ANKEF1: variants seen among roughly 807,000 people sequenced by gnomAD.
ANKEF1 encodes ankyrin repeat and EF-hand domain-containing protein 1.
In ANKEF1, 43 loss-of-function variants were observed where a neutral mutation model predicts 65.1. The observed-to-expected ratio is 0.66, with a 90% confidence interval of 0.52 to 0.85. ANKEF1 has a LOEUF of 0.85. Among genes scored for constraint, ANKEF1 ranks in the 40% least tolerant of loss-of-function variants. The pLI, the probability that ANKEF1 is intolerant of heterozygous loss-of-function variation, is 0.00. For synonymous variants in ANKEF1, 316 were observed against 341.5 expected, an observed-to-expected ratio of 0.93 and a Z score of 0.82; for missense variants, 934 against 952.9, an observed-to-expected ratio of 0.98 and a Z score of 0.26.
At position 10,055,718 on chromosome 20, in the gene ANKEF1, G is replaced by C. The variant is rs775891355; in HGVS notation, c.*58G>C. On this transcript the variant is annotated 3_prime_UTR_variant, in exon 11 of 11. Transcript: ENST00000378392. ...TGAGGCCCAGGGACCAATCTTTGGA[G>C]AAAGTAGATATTTCCATCAAAGCCA... The C allele has an allele frequency of 3.2e-5, 51 of 1,578,476 alleles. No homozygotes were observed. Among genetic ancestry groups the C allele is most frequent in the Non-Finnish European group, 4.3e-5 (49 of 1,150,948 alleles).
intron 2 of ANKEF1, among the ~76,000 whole-genome samples, chr20:10,037,167 A>C (rs1983907602): frequency 6.6e-6 from 1 of 152,208 alleles, no homozygotes; most frequent in South Asian, 2.1e-4. Context: ...TTGGAAACTT[A>C]GCTAACTAGC....
chr20:10,043,342 A>G, intron 4 of ANKEF1, 21 bp downstream of exon 4: 1 of 1,606,620 alleles, frequency 6.2e-7, no homozygotes, highest in African/African-American at 1.3e-5. Context: ...TCTTGTGATT[A>G]CAAATATTTC....
rs1984005959 is a variant in ANKEF1, at chr20:10,038,623, ACT to A, written c.323_324del (p.Thr108AsnfsTer3). 1 of 1,598,466 alleles carries A rather than the reference ACT, an allele frequency of 6.3e-7. No homozygotes were observed. The highest frequency in any genetic ancestry group is 1.1e-5 in the South Asian group (1 of 90,000). ...ATTAGCAAAGGCAAAGGCTGATATGACTATAGTTGATAATGAAGGAAAAGGTA... is the reference window on the plus strand; with the variant it reads ...ATTAGCAAAGGCAAAGGCTGATATGAATAGTTGATAATGAAGGAAAAGGTA... ...EILAKAKADM[T>X]IVDNEGKGVL... On this transcript the variant is annotated frameshift_variant, in exon 3 of 11. Transcript: ENST00000378392. LOFTEE classifies it high-confidence loss of function.
At chr20:10,043,043 A>T (rs1984282703) in intron 3 of ANKEF1, 79 bp from the exon 4 acceptor site, 1 of 1,429,226 alleles carries the variant, frequency 7.0e-7, no homozygotes, top group Non-Finnish European at 9.6e-7. Flanking sequence ...CTAAATATGG[A>T]TTTTTAATAA....
intron 10 of ANKEF1, 50 bp downstream of exon 10, chr20:10,054,649 A>G (rs1315972738): frequency 1.9e-6 from 3 of 1,549,000 alleles, no homozygotes; most frequent in East Asian, 4.8e-5. Flanking sequence ...TCATAATGTC[A>G]TTTTTTCAAA....
intron 4 of ANKEF1, 105 bp downstream of exon 4, chr20:10,043,426 T>G: frequency 2.9e-6 from 3 of 1,021,160 alleles, no homozygotes; most frequent in Non-Finnish European, 2.9e-6. Flanking sequence ...GATAGACTGT[T>G]CATTTTGATT....
rs1984477879 is a variant in ANKEF1, at chr20:10,045,641, T to G, written c.764T>G (p.Leu255Arg). 3 of 1,613,748 alleles carry G rather than the reference T, an allele frequency of 1.9e-6. No individual in the cohort carries two copies. Among genetic ancestry groups the G allele is most frequent in the Non-Finnish European group, 2.5e-6 (3 of 1,179,842 alleles). The change falls in exon 6 of 11, where the codon CTT becomes CGT. Residue 255 changes from leucine to arginine, a missense_variant. Physicochemically the swap from Leu to Arg is moderately radical, Grantham distance 102. Transcript: ENST00000378392. ...ATTTCGATAAATGGGAACACACCAC[T>G]TCATTATGCTGCCATGGGTGGTTTT... Reference protein sequence around the residue: ...GLISINGNTPLHYAAMGGFAD... With the variant: ...GLISINGNTPRHYAAMGGFAD...
intron 8 of ANKEF1, among the ~76,000 whole-genome samples, chr20:10,052,177 C>A (rs1395290084): frequency 6.6e-6 from 1 of 151,644 alleles, no homozygotes; most frequent in East Asian, 1.9e-4. Flanking sequence ...AATACAAGGC[C>A]AAAACTTTGT....
chr20:10,044,789 CGAT>C (rs1418708218), intron 5 of ANKEF1, among the ~76,000 whole-genome samples: 4 of 151,966 alleles, frequency 2.6e-5, no homozygotes, highest in Non-Finnish European at 2.9e-5. Context: ...TCTGTACACT[CGAT>C]GATAACAATT....
rs1984389942 is a variant in ANKEF1 at position 10,044,466 on chromosome 20, A to G, written c.619A>G (p.Arg207Gly). 1 of 1,614,158 alleles carries G rather than the reference A, an allele frequency of 6.2e-7. No individual in the cohort carries two copies. Among genetic ancestry groups the G allele is most frequent in the South Asian group, 1.1e-5 (1 of 91,084 alleles). The change falls in exon 5 of 11, where the codon AGA (arginine) becomes GGA (glycine). Residue 207 changes from arginine (R) to glycine (G), a missense_variant. Arg to Gly is a moderately radical substitution (Grantham distance 125). Coordinates refer to ENST00000378392, the MANE Select transcript of ANKEF1 (RefSeq NM_022096.6). The stretch of plus-strand genomic sequence containing the variant: ...GGAAATAGTTCGAGGCATATTGGAA[A>G]GAGGAGGTGAAGTGAATGCATTTGA... ...VVEIVRGILE[R>G]GGEVNAFDND...
In ANKEF1 at chr20:10,056,503, TA is replaced by T. The variant is rs1349034807; in HGVS notation, c.*844del. 2.1e-3 allele frequency: 313 copies of T among 150,576 alleles called. 1 individual carries two copies. Among genetic ancestry groups the T allele is most frequent in the African/African-American group, 6.9e-3 (281 of 41,006 alleles). 9.3% of individuals were successfully genotyped at this position (150,576 alleles called of 1,614,324 possible). ...GATAGATAGATAGATAGATGATAGA[TA>T]GATAGATAGATAGATAGATAGATAG... On this transcript the variant is annotated 3_prime_UTR_variant, in exon 11 of 11. Coordinates refer to ENST00000378392, the MANE Select transcript of ANKEF1 (RefSeq NM_022096.6).
rs1408900763 is a variant in ANKEF1, at chr20:10,053,101, T to A, written c.1871-11T>A. Reference sequence around the variant, plus strand: ...TATAGTCACTCTGAATTTATGTTTATGTTTCAACAGGGCATAGTGCCATGG... The same window carrying A: ...TATAGTCACTCTGAATTTATGTTTAAGTTTCAACAGGGCATAGTGCCATGG... On this transcript the variant is annotated splice_polypyrimidine_tract_variant and intron_variant, in intron 8 of 10. Transcript: ENST00000378392. 6.4e-7 allele frequency: 1 copy of A among 1,570,476 alleles called. No individual in the cohort carries two copies. The highest frequency in any genetic ancestry group is 2.2e-5 in the East Asian group (1 of 44,662).
rs963264052 is a variant in ANKEF1, at chr20:10,041,703, T to G, written c.347-1419T>G. On this transcript the variant is annotated intron_variant, in intron 3 of 10. Transcript: ENST00000378392. ...ACATTATTACAAATTGCAATATATT[T>G]TTCTCTATCTAAAATTGCTAAGGTG... Among the ~76,000 whole-genome samples, 3 of 152,202 alleles carry G rather than the reference T, an allele frequency of 2.0e-5. 1 individual carries two copies. The highest frequency in any genetic ancestry group is 2.0e-4 in the Admixed American group (3 of 15,284).
rs1600515978 is a variant in ANKEF1 at position 10,045,498 on chromosome 20, G to A, written c.697-76G>A. On this transcript the variant is annotated intron_variant, in intron 5 of 10. Coordinates refer to ENST00000378392, the MANE Select transcript of ANKEF1 (RefSeq NM_022096.6). ...GCTAATTGATATTGTACTGGATAGT[G>A]CCGGTCTAGCTGTCAGTCTTTATAT... 5.0e-5 allele frequency: 74 copies of A among 1,469,122 alleles called. No homozygotes were observed. The East Asian group carries it at 1.7e-3, about 34-fold the overall frequency. 91.0% of individuals were successfully genotyped at this position (1,469,122 alleles called of 1,614,324 possible).
In ANKEF1 at chr20:10,049,427, G is replaced by C. The variant is rs757155070; in HGVS notation, c.858G>C (p.Thr286=). 1.2e-6 allele frequency: 2 copies of C among 1,613,692 alleles called. No individual in the cohort carries two copies. Among genetic ancestry groups the C allele is most frequent in the African/African-American group, 2.7e-5 (2 of 74,856 alleles). ...DLKWKNLDHK[T]PRAVAKEGGF... is the part of the protein sequence containing the mutation. ...AATGGAAGAATTTAGATCATAAAAC[G>C]CCCAGGGCTGTGGCTAAGGAAGGCG... Residue 286 remains threonine, a synonymous_variant, in exon 7 of 11, where the codon ACG becomes ACC. Coordinates refer to ENST00000378392, the MANE Select transcript of ANKEF1 (RefSeq NM_022096.6).
At chr20:10,043,439 A>C in intron 4 of ANKEF1, 118 bp downstream of exon 4, 1 of 925,584 alleles carries the variant, frequency 1.1e-6, no homozygotes, top group Non-Finnish European at 1.6e-6. Context: ...TTTTGATTCA[A>C]AATGCTTGAA....
At chr20:10,046,753 T>A (rs1431165859) in intron 6 of ANKEF1, among the ~76,000 whole-genome samples, 1 of 152,196 alleles carries the variant, frequency 6.6e-6, no homozygotes, top group Non-Finnish European at 1.5e-5. Flanking sequence ...AACTCTATAA[T>A]AGAGCAAAGA....
rs149418188 is a variant in ANKEF1, at chr20:10,049,559, C to T, written c.990C>T (p.His330=). Residue 330 remains histidine (H), a synonymous_variant, in exon 7 of 11, where the codon CAC becomes CAT. Transcript: ENST00000378392. ...ATCCACTGTGGGCCCTTAGACTGCA[C>T]GATTGGTCCGTAGAACGTGAGGCTT... is the stretch of plus-strand genomic sequence containing the variant. ...NPNPLWALRL[H]DWSVEREAFL... 310 of 1,614,074 alleles carry T rather than the reference C, an allele frequency of 1.9e-4. No individual in the cohort carries two copies. The African/African-American group carries it at 3.6e-3, about 19-fold the overall frequency.
chr20:10,036,948 G>T (rs922643032), intron 2 of ANKEF1, among the ~76,000 whole-genome samples: 1 of 152,046 alleles, frequency 6.6e-6, no homozygotes, highest in Non-Finnish European at 1.5e-5. Context: ...TCTTGAAATG[G>T]GGAGTCAGCA....
Sources: gnomAD v4.1 joint callset for allele counts (sites outside exome capture counted in the v4.1 genomes callset) on GRCh38, gnomAD v4.1.1 for gene constraint, MANE v1.5 for transcripts, NCBI Gene and HGNC (gene_info 2026-07-23, HGNC 2026-07-21) for gene names.